ZNF83: variants seen among roughly 807,000 people sequenced by gnomAD.
The protein encoded by ZNF83 is zinc finger protein 816B.
For missense variants in ZNF83, 552 were observed against 629.9 expected (o/e 0.88, Z 1.32); for synonymous variants, 209 against 213.0 (o/e 0.98, Z 0.17).
At chr19:52,671,612 T>G (rs567156612) in intron 1 of ZNF83, among the ~76,000 whole-genome samples, 4 of 152,216 alleles carry the variant, frequency 2.6e-5, no homozygotes, top group Non-Finnish European at 4.4e-5. Flanking sequence ...CTGGCTAATT[T>G]GTTAGTACTT....
In ZNF83 at chr19:52,654,237, T is replaced by C; in HGVS notation, c.-74+1324A>G. 10 of 1,577,664 alleles carry C rather than the reference T, an allele frequency of 6.3e-6. No homozygotes were observed. The South Asian group carries it at 1.0e-4, about 16-fold the overall frequency. ...GTGCTTCATGGCCATTTCTTTTAAT[T>C]TCTTGCCACTGAAACTCAAAGTCAT... On this transcript the variant is annotated intron_variant, in intron 3 of 5. Transcript: ENST00000594682.
In ZNF83 at chr19:52,659,527, G is replaced by A. The variant is rs180968377; in HGVS notation, c.-201+1235C>T. On this transcript the variant is annotated intron_variant, in intron 2 of 5. Coordinates refer to the ZNF83 transcript ENST00000594682. ...GTGTCAGTGTATGTTTTATTCATATGTGGTTTAGGTCAGGGTTGACATGCA... is the reference window on the plus strand; with the variant it reads ...GTGTCAGTGTATGTTTTATTCATATATGGTTTAGGTCAGGGTTGACATGCA... 6.1e-3 allele frequency among the ~76,000 whole-genome samples: 923 copies of A among 151,166 alleles called. 8 individuals are homozygous for A. The highest frequency in any genetic ancestry group is 0.021 in the African/African-American group (854 of 41,062).
At position 52,621,552 on chromosome 19, in the gene ZNF83, C is replaced by CAAA. The variant is rs1383538074; in HGVS notation, c.-233-6756_-233-6755insTTT. Among the ~76,000 whole-genome samples the CAAA allele has an allele frequency of 4.8e-3, 731 of 151,120 alleles. 5 individuals are homozygous for CAAA. Among genetic ancestry groups the CAAA allele is most frequent in the African/African-American group, 0.018 (713 of 40,508 alleles). On this transcript the variant is annotated intron_variant, in intron 2 of 2. Transcript: ENST00000301096. ...CTGCCTTGATCCTCCACCTTGGTGG[C>CAAA]AAGTACCATTTCCTCTTTGTGGCAA...
chr19:52,634,276 C>T (rs917541105), intron 2 of ZNF83, among the ~76,000 whole-genome samples: 3 of 107,174 alleles, frequency 2.8e-5, no homozygotes, highest in Non-Finnish European at 6.3e-5. Flanking sequence ...CATCTCAAAG[C>T]AACAACAATA....
intron 1 of ZNF83, among the ~76,000 whole-genome samples, chr19:52,676,565 G>A (rs1331127726): frequency 2.6e-5 from 4 of 151,770 alleles, no homozygotes; most frequent in East Asian, 1.9e-4. Context: ...GCCTCTGCCC[G>A]GCCGCCCCTA....
At chr19:52,629,565 C>A (rs1600185262) in intron 2 of ZNF83, among the ~76,000 whole-genome samples, 1 of 152,162 alleles carries the variant, frequency 6.6e-6, no homozygotes, top group South Asian at 2.1e-4. Context: ...CAGTTTTGTT[C>A]CGTGACTAGC....
intron 1 of ZNF83, among the ~76,000 whole-genome samples, chr19:52,687,575 ATTT>A (rs1306003711): frequency 3.3e-5 from 1 of 30,262 alleles, no homozygotes; most frequent in African/African-American, 2.1e-4. Context: ...ATATATATAA[ATTT>A]TATATATATA....
At chr19:52,629,555 C>T (rs1184487818) in intron 2 of ZNF83, among the ~76,000 whole-genome samples, 1 of 152,184 alleles carries the variant, frequency 6.6e-6, no homozygotes, top group Admixed American at 6.5e-5. Flanking sequence ...GTCCGGCTTA[C>T]AGTTTTGTTC....
intron 2 of ZNF83, among the ~76,000 whole-genome samples, chr19:52,630,966 A>G (rs1433015922): frequency 2.0e-5 from 3 of 149,262 alleles, no homozygotes; most frequent in African/African-American, 7.4e-5. Context: ...CCAAACCCAT[A>G]TACTCTCCTA....
At chr19:52,632,269 A>G (rs1382811389) in intron 2 of ZNF83, among the ~76,000 whole-genome samples, 1 of 152,196 alleles carries the variant, frequency 6.6e-6, no homozygotes, top group Non-Finnish European at 1.5e-5. Flanking sequence ...GAAAAGTAGA[A>G]CGGACTAAAA....
chr19:52,679,949 G>A (rs867427299), intron 1 of ZNF83, among the ~76,000 whole-genome samples: 4 of 152,176 alleles, frequency 2.6e-5, no homozygotes, highest in South Asian at 4.1e-4. Flanking sequence ...GAGAGGCTGA[G>A]GCGGGTGGAT....
exon 3 of ZNF83, chr19:52,613,880 C>T: frequency 6.2e-7 from 1 of 1,614,110 alleles, no homozygotes; most frequent in Non-Finnish European, 8.5e-7. Context: ...GGTTTTTCTC[C>T]AGTATGAATT....
intron 1 of ZNF83, among the ~76,000 whole-genome samples, chr19:52,677,276 T>C (rs993106901): frequency 2.0e-5 from 3 of 150,448 alleles, no homozygotes; most frequent in Non-Finnish European, 4.4e-5. Context: ...CATTTTGCTT[T>C]TGAATATTAA....
chr19:52,614,617 TG>T lies in ZNF83; in HGVS notation c.-54del, dbSNP rs2060243338. On this transcript the variant is annotated 5_prime_UTR_variant, in exon 3 of 3. An upstream open reading frame in the 5' UTR gains an earlier in-frame stop. Coordinates refer to ENST00000301096, the Ensembl canonical transcript of ZNF83. ...ATAGGTCACACGCACTCGCTTATAA[TG>T]TCTTCAATCATGTTTCCACAGACAC... 1 of 1,493,364 alleles carries T rather than the reference TG, an allele frequency of 6.7e-7. No individual in the cohort carries two copies. The highest frequency in any genetic ancestry group is 8.9e-7 in the Non-Finnish European group (1 of 1,120,060). 92.5% of individuals were successfully genotyped at this position (1,493,364 alleles called of 1,614,324 possible).
intron 2 of ZNF83, 142 bp from the exon 3 acceptor site, chr19:52,614,939 T>C (rs2060251725): frequency 4.8e-6 from 4 of 833,924 alleles, no homozygotes; most frequent in Non-Finnish European, 6.4e-6. Flanking sequence ...TTTTTAACTT[T>C]TTGGAAAACA....
At chr19:52,689,794 G>A (rs2062114388) in intron 1 of ZNF83, among the ~76,000 whole-genome samples, 1 of 152,018 alleles carries the variant, frequency 6.6e-6, no homozygotes, top group Admixed American at 6.5e-5. Context: ...ATCACAGGAG[G>A]GTTTGGAGTA....
chr19:52,667,910 C>T (rs1600251502), intron 1 of ZNF83, among the ~76,000 whole-genome samples: 1 of 152,196 alleles, frequency 6.6e-6, no homozygotes, highest in Non-Finnish European at 1.5e-5. Flanking sequence ...AAAAATCATA[C>T]ATGAAGTGTT....
At chr19:52,663,787 G>A (rs1203330132) in intron 1 of ZNF83, among the ~76,000 whole-genome samples, 1 of 152,126 alleles carries the variant, frequency 6.6e-6, no homozygotes, top group Non-Finnish European at 1.5e-5. Flanking sequence ...TGAAATGTGA[G>A]GTCAAAGAAG....
intron 1 of ZNF83, among the ~76,000 whole-genome samples, chr19:52,688,950 GAAAAAAAAA>G (rs56247444): frequency 1.4e-4 from 18 of 126,804 alleles, no homozygotes; most frequent in African/African-American, 2.0e-4. Flanking sequence ...AAGGTTGAAG[GAAAAAAAAA>G]AAAAAAAAAA....
Sources: allele counts gnomAD v4.1 joint callset (sites outside exome capture counted in the v4.1 genomes callset), GRCh38; gene constraint gnomAD v4.1.1; transcripts MANE v1.5; gene names NCBI Gene and HGNC (gene_info 2026-07-23, HGNC 2026-07-21).